REC8: variants seen among roughly 807,000 people sequenced by gnomAD.
REC8 encodes REC8 meiotic recombination protein, also known as meiotic recombination protein REC8 homolog.
A neutral mutation model predicts 78.3 loss-of-function variants in REC8; 42 were observed. The observed-to-expected ratio is 0.54, with a 90% CI of 0.42 to 0.69. The LOEUF (loss-of-function observed/expected upper bound fraction) is 0.69, where lower values mean the gene tolerates loss of function less well. REC8 is among the 30% of genes least tolerant of loss of function. REC8 has a pLI of 0.00. For missense variants in REC8, 581 were observed against 715.8 expected, an observed-to-expected ratio of 0.81 and a Z score of 2.15; for synonymous variants, 268 against 274.1, an observed-to-expected ratio of 0.98 and a Z score of 0.22.
rs1566627647 is a variant in REC8, at chr14:24,172,792, G to A, written c.125+11G>A. The A allele has an allele frequency of 6.2e-7, 1 of 1,614,198 alleles. No individual in the cohort carries two copies. The highest frequency in any genetic ancestry group is 1.1e-5 in the South Asian group (1 of 91,088). On this transcript the variant is annotated intron_variant, in intron 2 of 18. Coordinates refer to ENST00000611366, the MANE Select transcript of REC8 (RefSeq NM_001048205.2). ...TGTGGTGAAAACCTGGTAAGGCCCA[G>A]AAAAGGGAAGGAGGGCCTGGTGCGG...
intron 8 of REC8, 50 bp from the exon 9 acceptor site, chr14:24,177,303 G>A (rs763552972): frequency 8.7e-6 from 14 of 1,613,990 alleles, no homozygotes; most frequent in Non-Finnish European, 1.2e-5. Flanking sequence ...ACTGGGCAAT[G>A]CTCCCATTTC....
rs537127387 is a variant in REC8, at chr14:24,179,922, T to G, written c.1558+16T>G. ...CTGCTCCTGGGTGAGTGTATGCATG[T>G]GTGTGTGTGTATGTGGGGCAGGGAC... On this transcript the variant is annotated intron_variant, in intron 18 of 18. Transcript: ENST00000611366. The G allele has an allele frequency of 1.1e-5, 17 of 1,613,686 alleles. No individual in the cohort carries two copies. The highest frequency in any genetic ancestry group is 1.4e-5 in the Non-Finnish European group (17 of 1,179,852).
In REC8 at chr14:24,177,311, TTC is replaced by T. The variant is rs774163493; in HGVS notation, c.707-38_707-37del. On this transcript the variant is annotated intron_variant, in intron 8 of 18. Transcript: ENST00000611366. ...TTCTGGGACTGGGCAATGCTCCCAT[TTC>T]TCTTTTTCTGTCCTCTGAACTCTGA... 9 of 1,614,068 alleles carry T rather than the reference TTC, an allele frequency of 5.6e-6. No individual in the cohort carries two copies. In the Admixed American group the frequency reaches 6.7e-5, roughly 12 times the overall value.
At chr14:24,180,425 T>C (rs765224477), downstream of REC8, 54 of 1,600,684 alleles carry the variant, frequency 3.4e-5, no homozygotes, top group Non-Finnish European at 8.5e-7. Flanking sequence ...CTCTCTGGAC[T>C]GGCTGCAGCC....
At chr14:24,179,200 C>T (rs2039049695) in intron 15 of REC8, 67 bp downstream of exon 15, 2 of 1,394,588 alleles carry the variant, frequency 1.4e-6, no homozygotes, top group Admixed American at 3.9e-5. Context: ...ACTAGTATCC[C>T]AACTGCTGAA....
Position 24,176,806 on chromosome 14 carries a change from T to C in REC8, c.545-16T>C, listed in dbSNP as rs1195894336. On this transcript the variant is annotated splice_polypyrimidine_tract_variant and intron_variant, in intron 6 of 18. Transcript: ENST00000611366. The stretch of plus-strand genomic sequence containing the variant: ...GGAAAGAAGCAGAGAGGCTAGTGAC[T>C]CTCTTGTCCCTCCAGAGAGGATTCC... 6.2e-7 allele frequency: 1 copy of C among 1,605,726 alleles called. No homozygotes were observed. Among genetic ancestry groups the C allele is most frequent in the East Asian group, 2.2e-5 (1 of 44,758 alleles).
At chr14:24,178,307 C>A in intron 12 of REC8, 85 bp downstream of exon 12, 1 of 1,243,800 alleles carries the variant, frequency 8.0e-7, no homozygotes, top group South Asian at 1.3e-5. Flanking sequence ...CCAAACTCCT[C>A]AGGTGGGTGG....
At chr14:24,180,866 C>T, downstream of REC8, 1 of 816,388 alleles carries the variant, frequency 1.2e-6, no homozygotes, top group South Asian at 1.7e-5. Flanking sequence ...GGTGGTTGCA[C>T]CTGGTACTGA....
chr14:24,179,551 ACT>A, intron 16 of REC8, 42 bp from the exon 17 acceptor site: 1 of 1,613,988 alleles, frequency 6.2e-7, no homozygotes, highest in Non-Finnish European at 8.5e-7. Context: ...GCCCCTTGTC[ACT>A]GTCACAGCTG....
intron 11 of REC8, 129 bp from the exon 12 acceptor site, chr14:24,177,962 G>A (rs1466371963): frequency 6.6e-7 from 1 of 1,514,384 alleles, no homozygotes; most frequent in South Asian, 1.3e-5. Flanking sequence ...TCAAGTGCAT[G>A]GAGACCCCGC....
rs772969984 is a variant in REC8, at chr14:24,179,785, T to A, written c.1452-15T>A. Reference sequence around the variant, plus strand: ...CCGGGCTGAAGCCTCTGCTAATGGTTCTTGATCCCTATAGGGCAGTGGCAC... The same window carrying A: ...CCGGGCTGAAGCCTCTGCTAATGGTACTTGATCCCTATAGGGCAGTGGCAC... On this transcript the variant is annotated splice_polypyrimidine_tract_variant and intron_variant, in intron 17 of 18. Coordinates refer to ENST00000611366, the MANE Select transcript of REC8 (RefSeq NM_001048205.2). 6.2e-7 allele frequency: 1 copy of A among 1,613,872 alleles called. No individual in the cohort carries two copies. The highest frequency in any genetic ancestry group is 8.5e-7 in the Non-Finnish European group (1 of 1,179,848).
intron 6 of REC8, among the ~76,000 whole-genome samples, chr14:24,176,213 C>T (rs895149830): frequency 1.3e-5 from 2 of 150,322 alleles, no homozygotes; most frequent in African/African-American, 2.5e-5. Flanking sequence ...TGCACCACCA[C>T]GCCCAGCTAA....
chr14:24,177,208 C>G lies in REC8; in HGVS notation c.692C>G (p.Ala231Gly). The G allele has an allele frequency of 6.2e-7, 1 of 1,613,856 alleles. No individual in the cohort carries two copies. The highest frequency in any genetic ancestry group is 8.5e-7 in the Non-Finnish European group (1 of 1,179,758). ...CTGCTGATCGCAGAGGAAGAAGAAG[C>G]TATCTTGTTAGAAAGTAGGTGTCTC... ...LDLLIAEEEE[A>G]ILLEIPRLPP... Residue 231 changes from alanine (A) to glycine (G), a missense_variant, in exon 8 of 19, where the codon GCT (alanine) becomes GGT (glycine). Ala to Gly is a moderately conservative substitution (Grantham distance 60, BLOSUM62 0). Transcript: ENST00000611366.
At chr14:24,178,066 C>A (rs780613285) in intron 11 of REC8, 25 bp from the exon 12 acceptor site, 1 of 1,605,984 alleles carries the variant, frequency 6.2e-7, no homozygotes, top group South Asian at 1.1e-5. Flanking sequence ...CAGCCTTGCC[C>A]CTACCTGCCC....
chr14:24,178,217 G>C lies in REC8; in HGVS notation c.991G>C (p.Glu331Gln), dbSNP rs2038987640. 1 of 1,613,728 alleles carries C rather than the reference G, an allele frequency of 6.2e-7. No homozygotes were observed. Among genetic ancestry groups the C allele is most frequent in the Non-Finnish European group, 8.5e-7 (1 of 1,179,696 alleles). The change falls in exon 12 of 19, where the codon GAA (glutamate) becomes CAA (glutamine). Residue 331 changes from glutamate (E) to glutamine (Q), a missense_variant. Glu to Gln is a conservative substitution (Grantham distance 29). Transcript: ENST00000611366. ...EQLQTRAHCW[E>Q]CPMVQPPERT... is the part of the protein sequence containing the mutation. ...ACTGCAAACCAGAGCCCACTGCTGG[G>C]AATGTGTGAGTGCAGCCCAGGCTTT...
At chr14:24,180,630 C>T, downstream of REC8, 13 of 1,612,730 alleles carry the variant, frequency 8.1e-6, no homozygotes, top group South Asian at 1.3e-4. Flanking sequence ...GCCCCAGGCT[C>T]TCTGAGCCCT....
intron 6 of REC8, 25 bp downstream of exon 6, chr14:24,175,649 G>A (rs778160255): frequency 1.6e-5 from 26 of 1,581,368 alleles, no homozygotes; most frequent in Non-Finnish European, 2.3e-5. Flanking sequence ...CCTTCTTTCT[G>A]GTGAGAGGCA....
chr14:24,172,924 G>A lies in REC8; in HGVS notation c.151G>A (p.Val51Ile), dbSNP rs761377685. 4 of 1,611,924 alleles carry A rather than the reference G, an allele frequency of 2.5e-6. No homozygotes were observed. The highest frequency in any genetic ancestry group is 1.3e-5 in the African/African-American group (1 of 75,070). Residue 51 changes from valine (V) to isoleucine (I), a missense_variant, in exon 3 of 19, where the codon GTA becomes ATA. Val to Ile is a conservative substitution (Grantham distance 29). Transcript: ENST00000611366. Reference protein sequence around the residue: ...TCEEILNYVLVRVQPPQPGLP... With the variant: ...TCEEILNYVLIRVQPPQPGLP... ...CGAGGAAATCCTCAATTACGTGCTG[G>A]TACGAGTGCAACCCCCGCAGCCCGG...
chr14:24,180,601 G>T, downstream of REC8: 1 of 1,612,236 alleles, frequency 6.2e-7, no homozygotes, highest in South Asian at 1.1e-5. Context: ...AGAAAGGTCG[G>T]GGCTCCTAAA....
Sources: gnomAD v4.1 joint callset for allele counts (sites outside exome capture counted in the v4.1 genomes callset) on GRCh38, gnomAD v4.1.1 for gene constraint, MANE v1.5 for transcripts, NCBI Gene and HGNC (gene_info 2026-07-23, HGNC 2026-07-21) for gene names.